Variants in FCHO2 observed in about 807,000 individuals in gnomAD.
The protein encoded by FCHO2 is FCH and mu domain containing endocytic adaptor 2, also known as F-BAR domain only protein 2.
A neutral mutation model predicts 114.1 loss-of-function variants in FCHO2; 43 were observed. That is an observed-to-expected ratio of 0.38 (90% CI 0.30 to 0.49). The LOEUF is 0.49. Ranked by LOEUF, FCHO2 falls within the 20% of genes least tolerant of loss-of-function variation. The pLI, the probability that FCHO2 is intolerant of heterozygous loss-of-function variation, is 0.97. For synonymous variants in FCHO2, 293 were observed against 315.2 expected (o/e 0.93, Z 0.75); for missense variants, 807 against 950.4 (o/e 0.85, Z 1.98).
chr5:72,990,588 A>G lies in FCHO2; in HGVS notation c.311A>G (p.Tyr104Cys). Residue 104 changes from tyrosine to cysteine, a missense_variant, in exon 4 of 26, where the codon TAT becomes TGT. Tyr to Cys is a radical substitution (Grantham distance 194, BLOSUM62 -2). Transcript: ENST00000430046. ...GAATTAATAAAGGAAGTTCAGAAGT[A>G]TGGAGAAGAACAAGTAAAGTCTCAT... is the stretch of plus-strand genomic sequence containing the variant. ...LQELIKEVQKYGEEQVKSHKK... is the reference protein window; with the variant it reads ...LQELIKEVQKCGEEQVKSHKK... The G allele has an allele frequency of 6.5e-7, 1 of 1,534,336 alleles. No individual in the cohort carries two copies. The highest frequency in any genetic ancestry group is 1.3e-5 in the South Asian group (1 of 78,904).
chr5:73,036,926 GT>G (rs1337431199), intron 9 of FCHO2, among the ~76,000 whole-genome samples: 1 of 152,114 alleles, frequency 6.6e-6, no homozygotes, highest in East Asian at 1.9e-4. Flanking sequence ...TAAAGTAAAT[GT>G]TCTATGATCT....
chr5:73,056,170 T>C (rs370251806), intron 16 of FCHO2, 63 bp downstream of exon 16: 1 of 1,272,810 alleles, frequency 7.9e-7, no homozygotes, highest in Non-Finnish European at 1.1e-6. Context: ...GTGTTTGATT[T>C]ATGGCAAAAT....
At chr5:73,053,690 C>T (rs1420028004) in intron 13 of FCHO2, among the ~76,000 whole-genome samples, 5 of 131,852 alleles carry the variant, frequency 3.8e-5, no homozygotes, top group Non-Finnish European at 6.4e-5. Flanking sequence ...AGCGAGACTT[C>T]GTCTCAAAAA....
At chr5:73,052,623 G>T in intron 13 of FCHO2, 116 bp downstream of exon 13, 2 of 844,580 alleles carry the variant, frequency 2.4e-6, no homozygotes, top group Non-Finnish European at 3.5e-6. Context: ...GAAATACTTA[G>T]TTTATAATTT....
At chr5:73,000,881 T>C (rs1335273574) in intron 5 of FCHO2, among the ~76,000 whole-genome samples, 2 of 150,884 alleles carry the variant, frequency 1.3e-5, no homozygotes, top group African/African-American at 4.9e-5. Context: ...GTGGTGGGAT[T>C]ACAGGCATGA....
At chr5:72,997,359 G>A in intron 5 of FCHO2, 2 of 1,591,548 alleles carry the variant, frequency 1.3e-6, no homozygotes, top group South Asian at 1.1e-5. Context: ...AATAGCAGAA[G>A]CATTCTTAAG....
intron 10 of FCHO2, chr5:73,037,760 C>CTTT (rs762112815): frequency 1.8e-4 from 61 of 333,888 alleles, no homozygotes; most frequent in South Asian, 5.8e-4. Flanking sequence ...GATTTACCTT[C>CTTT]TTTTTTTTTT....
At chr5:72,967,837 C>A (rs1202041888) in intron 1 of FCHO2, among the ~76,000 whole-genome samples, 1 of 151,570 alleles carries the variant, frequency 6.6e-6, no homozygotes, top group African/African-American at 2.4e-5. Context: ...CCAGGCTGAT[C>A]TAGAACTCCT....
chr5:73,066,358 TGACA>T (rs2112869072), intron 18 of FCHO2, among the ~76,000 whole-genome samples: 1 of 152,144 alleles, frequency 6.6e-6, no homozygotes, highest in African/African-American at 2.4e-5. Flanking sequence ...GAAATTTATT[TGACA>T]TTTAGTTCCA....
intron 19 of FCHO2, among the ~76,000 whole-genome samples, chr5:73,069,477 C>G (rs1742526225): frequency 1.3e-5 from 2 of 152,018 alleles, no homozygotes; most frequent in African/African-American, 4.8e-5. Context: ...AATGGCAGAT[C>G]ATCAGGCATT....
intron 5 of FCHO2, among the ~76,000 whole-genome samples, chr5:72,995,082 A>G (rs1025281274): frequency 2.0e-5 from 3 of 152,194 alleles, no homozygotes; most frequent in Non-Finnish European, 4.4e-5. Flanking sequence ...TTACCTATAT[A>G]AGAAACCTTC....
intron 19 of FCHO2, among the ~76,000 whole-genome samples, chr5:73,073,462 C>G (rs1742757543): frequency 6.6e-6 from 1 of 152,066 alleles, no homozygotes; most frequent in Admixed American, 6.6e-5. Flanking sequence ...AAAACTAGTA[C>G]TTGTGCTTCA....
In FCHO2 at chr5:73,087,604, G is replaced by A. The variant is rs371013700; in HGVS notation, c.2261G>A (p.Arg754Gln). ...KSENGGSGSLRAKFDLSEGPS... is the reference protein window; with the variant it reads ...KSENGGSGSLQAKFDLSEGPS... ...TTCTTTGTAGGTTCTGGGTCCCTCC[G>A]AGCAAAATTTGATCTTTCAGAAGGA... is the stretch of plus-strand genomic sequence containing the variant. The change falls in exon 25 of 26, where the codon CGA becomes CAA. Residue 754 changes from arginine to glutamine, a missense_variant. Coordinates refer to ENST00000430046, the MANE Select transcript of FCHO2 (RefSeq NM_138782.3). 43 of 1,613,466 alleles carry A rather than the reference G, an allele frequency of 2.7e-5. No individual in the cohort carries two copies. The highest frequency in any genetic ancestry group is 1.6e-4 in the Middle Eastern group (1 of 6,082).
intron 10 of FCHO2, 86 bp from the exon 11 acceptor site, chr5:73,041,205 T>C: frequency 2.4e-6 from 2 of 835,982 alleles, no homozygotes; most frequent in Admixed American, 2.4e-5. Context: ...AAAAGCTATA[T>C]TTAAGTACCA....
At chr5:73,052,216 C>T in intron 12 of FCHO2, 116 bp from the exon 13 acceptor site, 11 of 1,071,238 alleles carry the variant, frequency 1.0e-5, no homozygotes, top group South Asian at 1.0e-4. Context: ...AGCCGTCGCA[C>T]CCGGCCCAAA....
At chr5:73,081,279 T>G (rs1743080394) in intron 22 of FCHO2, among the ~76,000 whole-genome samples, 1 of 152,178 alleles carries the variant, frequency 6.6e-6, no homozygotes, top group Non-Finnish European at 1.5e-5. Context: ...CTTAAGAATT[T>G]GAAGGAATTA....
At chr5:73,041,780 G>T (rs1243253945) in intron 11 of FCHO2, among the ~76,000 whole-genome samples, 1 of 151,940 alleles carries the variant, frequency 6.6e-6, no homozygotes, top group African/African-American at 2.4e-5. Context: ...TTTAAAGAAG[G>T]GTTGCTTATA....
intron 10 of FCHO2, among the ~76,000 whole-genome samples, chr5:73,039,066 G>A (rs1272060353): frequency 6.6e-6 from 1 of 152,002 alleles, no homozygotes; most frequent in Non-Finnish European, 1.5e-5. Context: ...GTGGTTTTTT[G>A]TTTTTGTTTT....
chr5:72,999,497 C>T (rs368020938), intron 5 of FCHO2, among the ~76,000 whole-genome samples: 12 of 151,520 alleles, frequency 7.9e-5, no homozygotes, highest in African/African-American at 2.9e-4. Flanking sequence ...ATTCTCTTGC[C>T]TCAGCCTCCC....
Sources: allele counts gnomAD v4.1 joint callset (sites outside exome capture counted in the v4.1 genomes callset), GRCh38; gene constraint gnomAD v4.1.1; transcripts MANE v1.5; gene names NCBI Gene and HGNC (gene_info 2026-07-23, HGNC 2026-07-21).